Variants in PECAM1 observed in about 807,000 individuals in gnomAD.
PECAM1 encodes platelet endothelial cell adhesion molecule.
A neutral mutation model predicts 13.8 loss-of-function variants in PECAM1; 8 were observed. That is an observed-to-expected ratio of 0.58 (90% CI 0.34 to 1.05). The LOEUF is 1.05. Among genes scored for constraint, PECAM1 ranks in the 50% least tolerant of loss-of-function variants. The probability of loss-of-function intolerance (pLI) is 0.03; values close to 1 mark genes in which losing one functional copy is unlikely to be tolerated. For synonymous variants in PECAM1, 136 were observed against 52.6 expected, an observed-to-expected ratio of 2.58 and a Z score of -6.86; for missense variants, 304 against 141.2, an observed-to-expected ratio of 2.15 and a Z score of -5.84.
At position 64,322,460 on chromosome 17, in the gene PECAM1, T is replaced by C; in HGVS notation, c.*1356A>G. On this transcript the variant is annotated 3_prime_UTR_variant, in exon 16 of 16. Transcript: ENST00000563924. ...CAGAGGCCCAAGGAGTCCTCAGCAC[T>C]ATAGATGCATGTGGCCCCTCAGAAG... The C allele has an allele frequency of 1.0e-6, 1 of 985,534 alleles. No homozygotes were observed. Among genetic ancestry groups the C allele is most frequent in the Non-Finnish European group, 1.2e-6 (1 of 830,016 alleles). 61.0% of individuals were successfully genotyped at this position (985,534 alleles called of 1,614,324 possible).
intron 2 of PECAM1, among the ~76,000 whole-genome samples, chr17:64,382,673 C>T (rs1360544848): frequency 6.6e-6 from 1 of 151,240 alleles, no homozygotes; most frequent in Non-Finnish European, 1.5e-5. Context: ...AGCTGAAAAT[C>T]AACTATTCAG....
At chr17:64,336,266 CA>C (rs118202513) in intron 14 of PECAM1, among the ~76,000 whole-genome samples, 111,217 of 133,602 alleles carry the variant, frequency 0.83, 47,311 homozygotes, top group South Asian at 0.98. Flanking sequence ...GACCCTGTCT[CA>C]AAAAAAAAAA....
At chr17:64,327,393 T>G (rs950549698) in intron 15 of PECAM1, among the ~76,000 whole-genome samples, 2 of 152,190 alleles carry the variant, frequency 1.3e-5, no homozygotes, top group African/African-American at 4.8e-5. Context: ...ACTTTATAGA[T>G]AAGGAAGCTT....
chr17:64,352,926 A>G (rs1285791714), intron 10 of PECAM1, among the ~76,000 whole-genome samples: 1 of 152,264 alleles, frequency 6.6e-6, no homozygotes, highest in East Asian at 1.9e-4. Context: ...CTGGGATTAC[A>G]GGTGCGAGCC....
At chr17:64,342,940 G>A (rs2035472030) in intron 13 of PECAM1, among the ~76,000 whole-genome samples, 1 of 152,006 alleles carries the variant, frequency 6.6e-6, no homozygotes, top group Non-Finnish European at 1.5e-5. Context: ...ATCTGGGTGT[G>A]CACACACTCA....
At chr17:64,381,815 G>C (rs2036487209) in intron 2 of PECAM1, among the ~76,000 whole-genome samples, 1 of 152,108 alleles carries the variant, frequency 6.6e-6, no homozygotes, top group Non-Finnish European at 1.5e-5. Context: ...ACTTTCTTTG[G>C]ACCAGCCGGG....
At chr17:64,339,145 T>C (rs1214048866) in intron 14 of PECAM1, among the ~76,000 whole-genome samples, 2 of 150,362 alleles carry the variant, frequency 1.3e-5, no homozygotes, top group African/African-American at 4.9e-5. Context: ...GAGGCAGAGG[T>C]GGTAAGGAGC....
chr17:64,389,172 C>T (rs1293909457), intron 2 of PECAM1, among the ~76,000 whole-genome samples: 1 of 152,216 alleles, frequency 6.6e-6, no homozygotes, highest in Non-Finnish European at 1.5e-5. Flanking sequence ...AGGCTTGACT[C>T]ACCAGCTAGC....
intron 14 of PECAM1, among the ~76,000 whole-genome samples, chr17:64,338,965 T>A (rs1278442568): frequency 6.6e-6 from 1 of 152,202 alleles, no homozygotes; most frequent in Admixed American, 6.5e-5. Flanking sequence ...TCTGTTTTCC[T>A]CTTGTTAATC....
chr17:64,384,809 G>A (rs907649943), intron 2 of PECAM1, among the ~76,000 whole-genome samples: 4 of 152,216 alleles, frequency 2.6e-5, no homozygotes, highest in Non-Finnish European at 5.9e-5. Flanking sequence ...AAGCCAGTAA[G>A]TTTTAGGTAA....
chr17:64,368,859 G>GA (rs1243273671), intron 5 of PECAM1, among the ~76,000 whole-genome samples: 46 of 44,438 alleles, frequency 1.0e-3, no homozygotes, highest in Middle Eastern at 0.014. Context: ...TCTCAAAAAA[G>GA]AAAAAAAAAA....
At chr17:64,365,488 G>C (rs2036082341) in intron 5 of PECAM1, among the ~76,000 whole-genome samples, 1 of 150,884 alleles carries the variant, frequency 6.6e-6, no homozygotes, top group African/African-American at 2.4e-5. Flanking sequence ...AGTTCATATG[G>C]AACCAAAAAA....
At chr17:64,389,959 A>G (rs1438337461) in intron 2 of PECAM1, among the ~76,000 whole-genome samples, 3 of 152,006 alleles carry the variant, frequency 2.0e-5, no homozygotes, top group Non-Finnish European at 4.4e-5. Flanking sequence ...GAGACAGGAG[A>G]ATCCCTTGAA....
chr17:64,321,655 G>T lies in PECAM1; in HGVS notation c.*2161C>A. 1.8e-6 allele frequency: 1 copy of T among 569,712 alleles called. No homozygotes were observed. The highest frequency in any genetic ancestry group is 2.0e-5 in the African/African-American group (1 of 49,930). The allele number at this position is 569,712 out of a possible 1,614,324, so 35.3% of individuals were successfully genotyped here. ...TCACGCCTCTGGTCCCAGCTACCCA[G>T]GAAGCTGAGATGGGAGGATCGCTTG... On this transcript the variant is annotated 3_prime_UTR_variant, in exon 16 of 16. Coordinates refer to ENST00000563924, the MANE Select transcript of PECAM1 (RefSeq NM_000442.5).
chr17:64,329,833 G>A (rs2090980373), intron 14 of PECAM1, 111 bp from the exon 15 acceptor site: 5 of 714,574 alleles, frequency 7.0e-6, no homozygotes, highest in Admixed American at 6.0e-5. Flanking sequence ...GGAGGCGAGA[G>A]CCAGGAGACA....
intron 3 of PECAM1, among the ~76,000 whole-genome samples, chr17:64,377,409 C>T (rs1024699839): frequency 7.5e-4 from 114 of 152,038 alleles, no homozygotes; most frequent in Admixed American, 2.4e-3. Context: ...GTCAGGAGTT[C>T]GAGACCAGCC....
At chr17:64,339,391 A>G (rs1439884884) in intron 14 of PECAM1, among the ~76,000 whole-genome samples, 2 of 152,192 alleles carry the variant, frequency 1.3e-5, no homozygotes, top group African/African-American at 4.8e-5. Context: ...CCATTGAAAG[A>G]CACGATGTAC....
intron 14 of PECAM1, among the ~76,000 whole-genome samples, chr17:64,337,063 T>C (rs2143712846): frequency 6.6e-6 from 1 of 152,226 alleles, no homozygotes; most frequent in African/African-American, 2.4e-5. Flanking sequence ...GCTCCTCTCC[T>C]CAAGGAAGCA....
chr17:64,379,377 G>A (rs2036432928), intron 2 of PECAM1, among the ~76,000 whole-genome samples: 3 of 152,308 alleles, frequency 2.0e-5, no homozygotes, highest in South Asian at 4.2e-4. Context: ...GTGCTCTCTA[G>A]CTATTGCTGT....
Sources: allele counts gnomAD v4.1 joint callset (sites outside exome capture counted in the v4.1 genomes callset), GRCh38; gene constraint gnomAD v4.1.1; transcripts MANE v1.5; gene names NCBI Gene and HGNC (gene_info 2026-07-23, HGNC 2026-07-21).